Variants in CDC5L observed in about 807,000 individuals in gnomAD.
CDC5L encodes the protein cell division cycle 5 like.
A neutral mutation model predicts 104.1 loss-of-function variants in CDC5L; 18 were observed. The observed-to-expected ratio is 0.17, with a 90% confidence interval of 0.12 to 0.26. The LOEUF (loss-of-function observed/expected upper bound fraction) is 0.26. Ranked by LOEUF, CDC5L falls within the 10% of genes least tolerant of loss-of-function variation. CDC5L has a pLI of 1.00. For missense variants in CDC5L, 673 were observed against 956.9 expected (o/e 0.70, Z 3.91); for synonymous variants, 331 against 322.7 (o/e 1.03, Z -0.28).
At chr6:44,398,449 C>T (rs1365953653) in intron 5 of CDC5L, among the ~76,000 whole-genome samples, 1 of 152,044 alleles carries the variant, frequency 6.6e-6, no homozygotes, top group African/African-American at 2.4e-5. Context: ...TTTAATTTAC[C>T]CTGTAATTTC....
intron 15 of CDC5L, 147 bp downstream of exon 15, chr6:44,446,014 A>C: frequency 1.5e-6 from 1 of 657,746 alleles, no homozygotes; most frequent in Non-Finnish European, 2.6e-6. Flanking sequence ...TTGACTTTCT[A>C]ATCTAGAATT....
intron 8 of CDC5L, among the ~76,000 whole-genome samples, chr6:44,411,194 T>TGA (rs1233888714): frequency 6.6e-6 from 1 of 151,968 alleles, no homozygotes; most frequent in Non-Finnish European, 1.5e-5. Context: ...TAGAAGTGGG[T>TGA]GGGGGGCAAT....
In CDC5L at chr6:44,387,988, G is replaced by T. The variant is rs1052015266; in HGVS notation, c.45+120G>T. On this transcript the variant is annotated intron_variant, in intron 1 of 15. Transcript: ENST00000371477. ...GTGGGGTCTGCGTGGAGGGCAGCCC[G>T]GGGGCTGACCCTTGGGGCCCTTTCC... The T allele has an allele frequency of 1.6e-4, 140 of 877,996 alleles. 1 individual carries two copies. The highest frequency in any genetic ancestry group is 1.2e-3 in the Middle Eastern group (4 of 3,266). The allele number at this position is 877,996 out of a possible 1,614,324, so 54.4% of individuals were successfully genotyped here. A position where few individuals can be genotyped will look rare whatever the true frequency, so the allele number is the denominator to read the frequency against.
At chr6:44,430,909 T>A (rs1342311059) in intron 14 of CDC5L, among the ~76,000 whole-genome samples, 3 of 152,150 alleles carry the variant, frequency 2.0e-5, no homozygotes, top group African/African-American at 7.2e-5. Flanking sequence ...TTAGGGGCAT[T>A]TCTAAGGCCA....
At position 44,387,729 on chromosome 6, in the gene CDC5L, G is replaced by T; in HGVS notation, c.-95G>T. 1 of 1,104,106 alleles carries T rather than the reference G, an allele frequency of 9.1e-7. No individual in the cohort carries two copies. Among genetic ancestry groups the T allele is most frequent in the Non-Finnish European group, 1.3e-6 (1 of 743,046 alleles). The allele number at this position is 1,104,106 out of a possible 1,614,324, so 68.4% of individuals were successfully genotyped here. A position where few individuals can be genotyped will look rare whatever the true frequency, so the allele number is the denominator to read the frequency against. On this transcript the variant is annotated 5_prime_UTR_variant, in exon 1 of 16. Transcript: ENST00000371477. Reference sequence around the variant, plus strand: ...ATCTTCAAAGCAGAAGGTCGCGCTTGGAGGAAGTGGCGGCTTTGAGTCCGG... The same window carrying T: ...ATCTTCAAAGCAGAAGGTCGCGCTTTGAGGAAGTGGCGGCTTTGAGTCCGG...
chr6:44,393,582 A>G lies in CDC5L; in HGVS notation c.439+9A>G, dbSNP rs755746593. On this transcript the variant is annotated intron_variant, in intron 4 of 15. Transcript: ENST00000371477. ...AATTGATATGGATGAGGGTAAGTGT[A>G]TGCTTTGAGGAATTTATTTCTTTGG... 1 of 1,608,822 alleles carries G rather than the reference A, an allele frequency of 6.2e-7. No individual in the cohort carries two copies. Among genetic ancestry groups the G allele is most frequent in the Non-Finnish European group, 8.5e-7 (1 of 1,177,822 alleles).
chr6:44,428,189 CT>C, intron 13 of CDC5L, among the ~76,000 whole-genome samples: 1 of 152,180 alleles, frequency 6.6e-6, no homozygotes, highest in East Asian at 1.9e-4. Flanking sequence ...TTTTAATAAA[CT>C]GTCAGATTTT....
At chr6:44,399,358 CTGGATG>C (rs1372849934) in intron 5 of CDC5L, among the ~76,000 whole-genome samples, 1 of 152,172 alleles carries the variant, frequency 6.6e-6, no homozygotes, top group Non-Finnish European at 1.5e-5. Flanking sequence ...ATTGAGCTTA[CTGGATG>C]TGTAGATTAA....
At chr6:44,399,934 G>A (rs1268283254) in intron 5 of CDC5L, among the ~76,000 whole-genome samples, 1 of 151,960 alleles carries the variant, frequency 6.6e-6, no homozygotes, top group African/African-American at 2.4e-5. Context: ...TACAGTGTGA[G>A]CCACCACACC....
rs191980726 is a variant in CDC5L, at chr6:44,406,083, G to C, written c.759-240G>C. On this transcript the variant is annotated intron_variant, in intron 6 of 15. Transcript: ENST00000371477. ...TGCCTGGCTAATTTTTGTATTTTTA[G>C]TAGAGATGGGGTTTCGCCACGTTGG... Among the ~76,000 whole-genome samples the C allele has an allele frequency of 8.3e-3, 1,267 of 152,084 alleles. 10 individuals are homozygous for C. Among genetic ancestry groups the C allele is most frequent in the South Asian group, 0.021 (102 of 4,810 alleles).
In CDC5L at chr6:44,426,086, T is replaced by C; in HGVS notation, c.1570-17T>C. 6.4e-7 allele frequency: 1 copy of C among 1,558,430 alleles called. No homozygotes were observed. The highest frequency in any genetic ancestry group is 8.8e-7 in the Non-Finnish European group (1 of 1,140,718). ...TACGCTATAGCTGCAATAAAGGATA[T>C]AAAAATCATTTTTTAGGCCATACGA... On this transcript the variant is annotated splice_polypyrimidine_tract_variant and intron_variant, in intron 11 of 15. Coordinates refer to ENST00000371477, the MANE Select transcript of CDC5L (RefSeq NM_001253.4).
intron 7 of CDC5L, among the ~76,000 whole-genome samples, 166 bp downstream of exon 7, chr6:44,406,633 G>C (rs1258077186): frequency 6.6e-6 from 1 of 152,224 alleles, no homozygotes; most frequent in Admixed American, 6.5e-5. Flanking sequence ...TGGGCTGGCT[G>C]TGGTGGCCCA....
At chr6:44,397,334 G>T (rs944930896) in intron 5 of CDC5L, among the ~76,000 whole-genome samples, 1 of 152,146 alleles carries the variant, frequency 6.6e-6, no homozygotes, top group South Asian at 2.1e-4. Context: ...ATTAGTCTAG[G>T]CATCCTTAGG....
intron 7 of CDC5L, among the ~76,000 whole-genome samples, chr6:44,407,351 G>T (rs985056859): frequency 6.7e-6 from 1 of 148,858 alleles, no homozygotes; most frequent in Non-Finnish European, 1.5e-5. Flanking sequence ...TTTTTGAGAC[G>T]GAGTCTTGCT....
At chr6:44,419,956 C>G (rs1254457603) in intron 9 of CDC5L, among the ~76,000 whole-genome samples, 1 of 152,092 alleles carries the variant, frequency 6.6e-6, no homozygotes, top group Non-Finnish European at 1.5e-5. Context: ...TGTTCTTTTG[C>G]AAAGCTTCGG....
At chr6:44,403,632 A>ATG (rs760447510) in intron 5 of CDC5L, among the ~76,000 whole-genome samples, 177 bp from the exon 6 acceptor site, 9 of 152,074 alleles carry the variant, frequency 5.9e-5, no homozygotes, top group Non-Finnish European at 1.0e-4. Flanking sequence ...TATTATGTGT[A>ATG]TGTGTGTGTG....
chr6:44,424,755 C>G (rs1293616900), intron 11 of CDC5L, among the ~76,000 whole-genome samples, 172 bp downstream of exon 11: 4 of 152,150 alleles, frequency 2.6e-5, no homozygotes, highest in African/African-American at 4.8e-5. Flanking sequence ...ACATAATTAA[C>G]ATACTCACAA....
At chr6:44,407,330 C>CT (rs869258034) in intron 7 of CDC5L, among the ~76,000 whole-genome samples, 2,851 of 141,824 alleles carry the variant, frequency 0.02, 36 homozygotes, top group East Asian at 0.051. Context: ...TTAGGGTAAC[C>CT]TTTTTTTTTT....
At chr6:44,394,115 T>C (rs528144595) in intron 4 of CDC5L, among the ~76,000 whole-genome samples, 25 of 152,140 alleles carry the variant, frequency 1.6e-4, no homozygotes, top group African/African-American at 4.8e-4. Flanking sequence ...TGTTACGGGG[T>C]GTGGTGGTAT....
Sources: gnomAD v4.1 joint callset for allele counts (sites outside exome capture counted in the v4.1 genomes callset) on GRCh38, gnomAD v4.1.1 for gene constraint, MANE v1.5 for transcripts, NCBI Gene and HGNC (gene_info 2026-07-23, HGNC 2026-07-21) for gene names.